The following PXDNL variants were observed in gnomAD, a reference collection of about 807,000 sequenced individuals.
The protein encoded by PXDNL is peroxidasin like.
Under a neutral mutation model 150.8 loss-of-function variants are expected in PXDNL, and 145 were observed. The ratio of observed to expected loss-of-function variants is 0.96; its 90% CI spans 0.84 to 1.10. The LOEUF (loss-of-function observed/expected upper bound fraction) is 1.10. Ranked by LOEUF, PXDNL falls within the 50% of genes least tolerant of loss-of-function variation. PXDNL has a pLI of 0.00. For missense variants in PXDNL, 2,087 were observed against 1,873.9 expected (o/e 1.11, Z -2.10); for synonymous variants, 757 against 725.7 (o/e 1.04, Z -0.69).
Position 51,457,515 on chromosome 8 carries a change from CTG to C in PXDNL, c.963_964del (p.Arg322IlefsTer81). The C allele has an allele frequency of 6.2e-7, 1 of 1,609,438 alleles. No homozygotes were observed. The highest frequency in any genetic ancestry group is 8.5e-7 in the Non-Finnish European group (1 of 1,178,310). ...AGTTTTACCTGGAAGACTGGAGTAT[CTG>C]AGCATGGCACTCTGTGTCTTGGCTT... On this transcript the variant is annotated frameshift_variant, in exon 9 of 23. Transcript: ENST00000356297. LOFTEE classifies it high-confidence loss of function.
chr8:51,567,673 T>C (rs71513534), intron 3 of PXDNL, among the ~76,000 whole-genome samples: 10,471 of 151,808 alleles, frequency 0.069, 455 homozygotes, highest in South Asian at 0.1. Flanking sequence ...TACTATTTCA[T>C]GGGTAGTGCT....
chr8:51,640,660 C>A (rs961447261), intron 2 of PXDNL, among the ~76,000 whole-genome samples: 5 of 152,092 alleles, frequency 3.3e-5, no homozygotes, highest in African/African-American at 4.8e-5. Flanking sequence ...ACGTGAATGA[C>A]CTCTTCAAGG....
chr8:51,658,426 G>T (rs1328600211), intron 1 of PXDNL, among the ~76,000 whole-genome samples: 1 of 149,836 alleles, frequency 6.7e-6, no homozygotes, highest in African/African-American at 2.5e-5. Context: ...TCTCGAGATC[G>T]ACTTAAACTC....
At chr8:51,340,426 G>T (rs1805953695) in intron 20 of PXDNL, among the ~76,000 whole-genome samples, 1 of 152,160 alleles carries the variant, frequency 6.6e-6, no homozygotes, top group Non-Finnish European at 1.5e-5. Context: ...AATATTTTTA[G>T]ATAGATTTGA....
rs182027746 is a variant in PXDNL at position 51,561,617 on chromosome 8, G to A, written c.309-4706C>T. Among the ~76,000 whole-genome samples the A allele has an allele frequency of 3.0e-3, 451 of 151,806 alleles. 5 individuals are homozygous for A. The highest frequency in any genetic ancestry group is 2.3e-3 in the African/African-American group (95 of 41,456). On this transcript the variant is annotated intron_variant, in intron 3 of 22. Coordinates refer to ENST00000356297, the MANE Select transcript of PXDNL (RefSeq NM_144651.5). ...GACATTAAACTAAGTAAAGTAAACC[G>A]GTCACAAGAAGACAAATACTATGTG...
At chr8:51,405,194 T>C (rs1376371588) in intron 17 of PXDNL, among the ~76,000 whole-genome samples, 1 of 151,986 alleles carries the variant, frequency 6.6e-6, no homozygotes, top group Non-Finnish European at 1.5e-5. Context: ...GGGAGCCGGC[T>C]TCCGCCTGGG....
At chr8:51,323,111 T>G (rs572049700) in intron 21 of PXDNL, among the ~76,000 whole-genome samples, 20 of 152,184 alleles carry the variant, frequency 1.3e-4, no homozygotes, top group Non-Finnish European at 2.2e-4. Flanking sequence ...CTAAAGATAT[T>G]AATGAATATG....
chr8:51,468,948 T>C (rs1406701466), intron 8 of PXDNL, among the ~76,000 whole-genome samples: 1 of 152,028 alleles, frequency 6.6e-6, no homozygotes, highest in Admixed American at 6.6e-5. Context: ...TATCAACATG[T>C]TTAAAACTTT....
chr8:51,391,639 C>T (rs544380465), intron 17 of PXDNL, among the ~76,000 whole-genome samples: 3 of 152,188 alleles, frequency 2.0e-5, no homozygotes, highest in Admixed American at 2.0e-4. Context: ...TGGATATTGG[C>T]CCTCTGTCAG....
At chr8:51,586,592 G>T (rs937632219) in intron 3 of PXDNL, among the ~76,000 whole-genome samples, 3 of 152,048 alleles carry the variant, frequency 2.0e-5, no homozygotes, top group Non-Finnish European at 2.9e-5. Context: ...ACTATTAAAG[G>T]TCACATTCTT....
intron 1 of PXDNL, among the ~76,000 whole-genome samples, chr8:51,667,991 C>T (rs933865255): frequency 2.0e-5 from 3 of 152,008 alleles, no homozygotes; most frequent in Non-Finnish European, 4.4e-5. Flanking sequence ...AGCTGAACAC[C>T]GGGTGAGGAG....
At chr8:51,326,737 A>C (rs1805505643) in intron 21 of PXDNL, among the ~76,000 whole-genome samples, 1 of 152,104 alleles carries the variant, frequency 6.6e-6, no homozygotes, top group Non-Finnish European at 1.5e-5. Flanking sequence ...TGATTGCATC[A>C]TTGTTCTGCA....
chr8:51,594,770 G>A (rs1056435082), intron 2 of PXDNL, among the ~76,000 whole-genome samples: 1 of 152,032 alleles, frequency 6.6e-6, no homozygotes, highest in African/African-American at 2.4e-5. Flanking sequence ...AATTTTAATG[G>A]TTGGAACCTT....
At chr8:51,465,957 A>T (rs774202263) in intron 8 of PXDNL, among the ~76,000 whole-genome samples, 10 of 152,198 alleles carry the variant, frequency 6.6e-5, no homozygotes, top group Non-Finnish European at 1.2e-4. Context: ...ATATTGTTCA[A>T]ATGGCCATAC....
intron 12 of PXDNL, among the ~76,000 whole-genome samples, chr8:51,428,356 C>A (rs1003548257): frequency 6.6e-6 from 1 of 152,112 alleles, no homozygotes; most frequent in Non-Finnish European, 1.5e-5. Flanking sequence ...AAATATAGAT[C>A]AGATTATTCT....
chr8:51,561,766 T>G (rs1563465252), intron 3 of PXDNL, among the ~76,000 whole-genome samples: 1 of 151,930 alleles, frequency 6.6e-6, no homozygotes, highest in Non-Finnish European at 1.5e-5. Context: ...GTTTCAGTTT[T>G]GCAAGATTAA....
intron 4 of PXDNL, among the ~76,000 whole-genome samples, chr8:51,538,022 A>T (rs1275189193): frequency 6.6e-6 from 1 of 152,148 alleles, no homozygotes; most frequent in Non-Finnish European, 1.5e-5. Context: ...TGTATCTCAA[A>T]CTTGTTACAA....
At chr8:51,527,005 C>G (rs534636433) in intron 4 of PXDNL, among the ~76,000 whole-genome samples, 1 of 152,350 alleles carries the variant, frequency 6.6e-6, no homozygotes, top group East Asian at 1.9e-4. Context: ...CCATCTGCTT[C>G]TGTGGCTTCT....
intron 17 of PXDNL, among the ~76,000 whole-genome samples, chr8:51,388,546 G>C (rs1807797505): frequency 6.6e-6 from 1 of 152,116 alleles, no homozygotes; most frequent in Admixed American, 6.6e-5. Context: ...TCCTAAGTGA[G>C]ATGTTCTGCA....
Sources: gnomAD v4.1 joint callset for allele counts (sites outside exome capture counted in the v4.1 genomes callset) on GRCh38, gnomAD v4.1.1 for gene constraint, MANE v1.5 for transcripts, NCBI Gene and HGNC (gene_info 2026-07-23, HGNC 2026-07-21) for gene names.